NKPD1: variants seen among roughly 807,000 people sequenced by gnomAD.
The protein encoded by NKPD1 is NTPase KAP family P-loop domain-containing protein 1.
NKPD1 carries 37 observed loss-of-function variants against 42.2 expected under a neutral mutation model. That is an observed-to-expected ratio of 0.88 (90% CI 0.67 to 1.15). The LOEUF (loss-of-function observed/expected upper bound fraction) is 1.15. NKPD1 is among the 50% of genes most tolerant of loss of function. NKPD1 has a pLI of 0.00. For missense variants in NKPD1, 1,113 were observed against 1,174.6 expected, an observed-to-expected ratio of 0.95 and a Z score of 0.77; for synonymous variants, 552 against 536.5, an observed-to-expected ratio of 1.03 and a Z score of -0.40.
At chr19:45,160,684 G>A (rs577656476) in intron 1 of NKPD1, among the ~76,000 whole-genome samples, 405 of 152,132 alleles carry the variant, frequency 2.7e-3, no homozygotes, top group African/African-American at 9.5e-3. Flanking sequence ...TGAATGATAC[G>A]GTGGAGGGGG....
At chr19:45,156,005 C>A in intron 3 of NKPD1, 89 bp from the exon 4 acceptor site, 1 of 1,202,814 alleles carries the variant, frequency 8.3e-7, no homozygotes, top group Non-Finnish European at 1.1e-6. Context: ...CCACTATCAG[C>A]CCCTTCCTGG....
In NKPD1 at chr19:45,160,128, T is replaced by C. The variant is rs757385470; in HGVS notation, c.23A>G (p.His8Arg). The C allele has an allele frequency of 6.1e-5, 79 of 1,304,812 alleles. No individual in the cohort carries two copies. The highest frequency in any genetic ancestry group is 8.0e-5 in the Non-Finnish European group (79 of 988,728). The allele number at this position is 1,304,812 out of a possible 1,614,324, so 80.8% of individuals were successfully genotyped here. A position where few individuals can be genotyped will look rare whatever the true frequency, so the allele number is the denominator to read the frequency against. Residue 8 changes from histidine to arginine, a missense_variant, in exon 2 of 5, where the codon CAC (histidine) becomes CGC (arginine). By Grantham distance (29) the His-to-Arg change is conservative (BLOSUM62 0). Around this residue, in one of 3 missense-constraint regions of NKPD1, gnomAD observed 204 missense variants for 227.8 expected, o/e 0.90. Coordinates refer to ENST00000686631, the MANE Select transcript of NKPD1 (RefSeq NM_198478.4). The stretch of plus-strand genomic sequence containing the variant: ...GGGGCTCTGGGCATCCTTGGCGAAG[T>C]GGACTTTGTAATGTTTGTGCATGGC... MHKHYKV[H>R]FAKDAQSPNG...
At position 45,152,337 on chromosome 19, in the gene NKPD1, C is replaced by G. The variant is rs745402559; in HGVS notation, c.2100G>C (p.Glu700Asp). The G allele has an allele frequency of 1.2e-6, 2 of 1,606,156 alleles. No individual in the cohort carries two copies. Among genetic ancestry groups the G allele is most frequent in the South Asian group, 2.2e-5 (2 of 90,544 alleles). Residue 700 changes from glutamate (E) to aspartate (D), a missense_variant, in exon 5 of 5, where the codon GAG (glutamate) becomes GAC (aspartate). By Grantham distance (45) the Glu-to-Asp change is conservative (BLOSUM62 2). This residue lies in a region of NKPD1 where 867 missense variants were observed against 870.1 expected (regional missense o/e 1.00). Transcript: ENST00000686631. ...GCAACGCCTTGGTCATGGTGTGCAG[C>G]TCGCGGCTGTTGTCGCGGAAAACGT... ...LWDVFRDNSR[E>D]LHTMTKALQN...
At chr19:45,155,764 C>T (rs752014333) in intron 4 of NKPD1, 21 bp downstream of exon 4, 40 of 1,289,418 alleles carry the variant, frequency 3.1e-5, no homozygotes, top group Admixed American at 1.6e-4. Context: ...CTCCCCCCAA[C>T]AAACACACAC....
At chr19:45,159,323 G>A (rs556001639) in intron 2 of NKPD1, among the ~76,000 whole-genome samples, 19 of 152,298 alleles carry the variant, frequency 1.2e-4, no homozygotes, top group African/African-American at 4.6e-4. Context: ...GTGCAGGCTT[G>A]GACTTCAGCT....
chr19:45,162,308 G>A (rs539749022), upstream of NKPD1, among the ~76,000 whole-genome samples: 6 of 152,326 alleles, frequency 3.9e-5, no homozygotes, highest in East Asian at 9.6e-4. Flanking sequence ...GGAATAGGAA[G>A]GGGTGACCCA....
rs139016600 is a variant in NKPD1 at position 45,160,941 on chromosome 19, G to A, written c.-88C>T. The stretch of plus-strand genomic sequence containing the variant: ...CACTCGTACCTGACGGTGGCCTCAC[G>A]GCCCCAGCTGCCTGCCCCACGAGCA... On this transcript the variant is annotated 5_prime_UTR_variant, in exon 1 of 5. Coordinates refer to ENST00000686631, the MANE Select transcript of NKPD1 (RefSeq NM_198478.4). Among the ~76,000 whole-genome samples, 477 of 152,088 alleles carry A rather than the reference G, an allele frequency of 3.1e-3. 2 individuals carry two copies. Among genetic ancestry groups the A allele is most frequent in the African/African-American group, 0.011 (442 of 41,466 alleles).
Position 45,151,798 on chromosome 19 carries a change from C to T in NKPD1, c.*140G>A, listed in dbSNP as rs1968782128. ...CACTCCTTGGAAGCTATGTCCACGG[C>T]TCTGGCTCAGGTTCACCTGGGGGTG... On this transcript the variant is annotated 3_prime_UTR_variant, in exon 5 of 5. Transcript: ENST00000686631. The T allele has an allele frequency of 1.1e-6, 1 of 915,246 alleles. No individual in the cohort carries two copies. The highest frequency in any genetic ancestry group is 1.6e-6 in the Non-Finnish European group (1 of 641,714). The allele number at this position is 915,246 out of a possible 1,614,324, so 56.7% of individuals were successfully genotyped here.
In NKPD1 at chr19:45,151,810, T is replaced by G; in HGVS notation, c.*128A>C. 2 of 1,044,914 alleles carry G rather than the reference T, an allele frequency of 1.9e-6. No homozygotes were observed. The allele number at this position is 1,044,914 out of a possible 1,614,324, so 64.7% of individuals were successfully genotyped here. On this transcript the variant is annotated 3_prime_UTR_variant, in exon 5 of 5. Coordinates refer to ENST00000686631, the MANE Select transcript of NKPD1 (RefSeq NM_198478.4). Reference sequence around the variant, plus strand: ...GCTATGTCCACGGCTCTGGCTCAGGTTCACCTGGGGGTGTGGGCCTCACAG... The same window carrying G: ...GCTATGTCCACGGCTCTGGCTCAGGGTCACCTGGGGGTGTGGGCCTCACAG...
chr19:45,162,694 T>C (rs73564218), upstream of NKPD1, among the ~76,000 whole-genome samples: 2,267 of 152,298 alleles, frequency 0.015, 65 homozygotes, highest in African/African-American at 0.049. Flanking sequence ...CGCTCCGTTC[T>C]GTGCACATCG....
Position 45,158,694 on chromosome 19 carries a change from C to T in NKPD1, c.498G>A (p.Ala166=), listed in dbSNP as rs1021465561. 1.2e-5 allele frequency: 14 copies of T among 1,187,194 alleles called. No individual in the cohort carries two copies. Among genetic ancestry groups the T allele is most frequent in the African/African-American group, 8.2e-5 (5 of 61,280 alleles). 73.5% of individuals were successfully genotyped at this position (1,187,194 alleles called of 1,614,324 possible). ...TGTAGGCAGTGAAGGAGCCACAGGC[C>T]GCTGGGGCGGGCAGGGGCCGGGCAT... ...PTDARPLPAP[A]ACGSFTAYSS... is the part of the protein sequence containing the mutation. The change falls in exon 3 of 5, where the codon GCG becomes GCA. Residue 166 remains alanine (A), a synonymous_variant. Coordinates refer to ENST00000686631, the MANE Select transcript of NKPD1 (RefSeq NM_198478.4). This position sits in a 1 kb window ranked among gnomAD's most constrained non-coding sequence, Gnocchi z 4.6.
intron 4 of NKPD1, among the ~76,000 whole-genome samples, chr19:45,155,147 C>G (rs990270578): frequency 1.3e-5 from 2 of 150,416 alleles, no homozygotes; most frequent in Non-Finnish European, 3.0e-5. Context: ...GGTAAAACCC[C>G]GTCTACTAAA....
At chr19:45,154,779 T>C (rs544900420) in intron 4 of NKPD1, among the ~76,000 whole-genome samples, 1 of 151,988 alleles carries the variant, frequency 6.6e-6, no homozygotes, top group East Asian at 1.9e-4. Flanking sequence ...TCTCAGCACT[T>C]TTTGGGAGGC....
At position 45,153,960 on chromosome 19, in the gene NKPD1, G is replaced by A. The variant is rs1462995685; in HGVS notation, c.662-185C>T. 1.3e-5 allele frequency: 7 copies of A among 557,784 alleles called. No individual in the cohort carries two copies. In the African/African-American group the frequency reaches 1.4e-4, roughly 11 times the overall value. The allele number at this position is 557,784 out of a possible 1,614,324, so 34.6% of individuals were successfully genotyped here. A position where few individuals can be genotyped will look rare whatever the true frequency, so the allele number is the denominator to read the frequency against. ...CGGTGCAGAAGCGGGGGCGTGGAGAGGCCTGGAGCCGGGCTTGGACCGGAA... is the reference window on the plus strand; with the variant it reads ...CGGTGCAGAAGCGGGGGCGTGGAGAAGCCTGGAGCCGGGCTTGGACCGGAA... On this transcript the variant is annotated intron_variant, in intron 4 of 4. Transcript: ENST00000686631.
At chr19:45,156,483 C>T (rs1318498976) in intron 3 of NKPD1, among the ~76,000 whole-genome samples, 7 of 152,224 alleles carry the variant, frequency 4.6e-5, no homozygotes, top group Non-Finnish European at 7.3e-5. Context: ...CCAGCCCCAC[C>T]GCCTTTGTCT....
chr19:45,159,023 A>G lies in NKPD1; in HGVS notation c.169T>C (p.Trp57Arg), dbSNP rs1276689967. 3.8e-6 allele frequency: 5 copies of G among 1,301,644 alleles called. No individual in the cohort carries two copies. The highest frequency in any genetic ancestry group is 2.2e-4 in the Middle Eastern group (1 of 4,636). 80.6% of individuals were successfully genotyped at this position (1,301,644 alleles called of 1,614,324 possible). ...TGGTGGCTGTGGTAGGCCAGCTGCCAGTGTGATTGGGGGGAAGGCCGACAG... is the reference window on the plus strand; with the variant it reads ...TGGTGGCTGTGGTAGGCCAGCTGCCGGTGTGATTGGGGGGAAGGCCGACAG... ...GPCRPSPQSH[W>R]QLAYHSHQVG... Residue 57 changes from tryptophan (W) to arginine (R), a missense_variant, in exon 3 of 5, where the codon TGG becomes CGG. Trp to Arg is a moderately radical substitution (Grantham distance 101). Around this residue, in one of 3 missense-constraint regions of NKPD1, gnomAD observed 204 missense variants for 227.8 expected, o/e 0.90. Coordinates refer to ENST00000686631, the MANE Select transcript of NKPD1 (RefSeq NM_198478.4).
intron 1 of NKPD1, 41 bp from the exon 2 acceptor site, chr19:45,160,262 C>A: frequency 9.9e-6 from 5 of 504,350 alleles, no homozygotes; most frequent in Non-Finnish European, 1.6e-5. Context: ...AGGGTCCCTG[C>A]CCTGCCCGAC....
In NKPD1 at chr19:45,158,889, G is replaced by A. The variant is rs1351563829; in HGVS notation, c.303C>T (p.Cys101=). Reference sequence around the variant, plus strand: ...GCCCCTTCTGGGCTTCGTGAATGGGGCAGAGCCGCTGCCGCAGGGGGCTGG... The same window carrying A: ...GCCCCTTCTGGGCTTCGTGAATGGGACAGAGCCGCTGCCGCAGGGGGCTGG... ...SPPSPLRQRL[C]PIHEAQKGLP... Residue 101 remains cysteine, a synonymous_variant, in exon 3 of 5, where the codon TGC becomes TGT. Coordinates refer to ENST00000686631, the MANE Select transcript of NKPD1 (RefSeq NM_198478.4). The surrounding 1 kb of genome is among the most constrained non-coding windows in gnomAD (Gnocchi z 4.6). 7.7e-7 allele frequency: 1 copy of A among 1,293,320 alleles called. No individual in the cohort carries two copies. Among genetic ancestry groups the A allele is most frequent in the Non-Finnish European group, 1.0e-6 (1 of 983,696 alleles). 80.1% of individuals were successfully genotyped at this position (1,293,320 alleles called of 1,614,324 possible).
rs1968941609 is a variant in NKPD1, at chr19:45,158,366, G to C, written c.529+297C>G. The stretch of plus-strand genomic sequence containing the variant: ...GAGCCAGAGGAGGGAGCTGAGAAGA[G>C]ACCAGAGCAGAGCCAGGGTGTCGGC... On this transcript the variant is annotated intron_variant, in intron 3 of 4. Coordinates refer to ENST00000686631, the MANE Select transcript of NKPD1 (RefSeq NM_198478.4). This position sits in a 1 kb window ranked among gnomAD's most constrained non-coding sequence, Gnocchi z 4.6. Among the ~76,000 whole-genome samples the C allele has an allele frequency of 6.6e-6, 1 of 152,240 alleles. No homozygotes were observed. Among genetic ancestry groups the C allele is most frequent in the African/African-American group, 2.4e-5 (1 of 41,464 alleles).
Sources: allele counts gnomAD v4.1 joint callset (sites outside exome capture counted in the v4.1 genomes callset), GRCh38; gene constraint gnomAD v4.1.1; regional missense constraint gnomAD v4.1.1; non-coding constraint Gnocchi (gnomAD v3.1); transcripts MANE v1.5; gene names NCBI Gene and HGNC (gene_info 2026-07-23, HGNC 2026-07-21).